The following PARP8 variants were observed in gnomAD, a reference collection of about 807,000 sequenced individuals.
PARP8 encodes the protein protein mono-ADP-ribosyltransferase PARP8.
Under a neutral mutation model 124.1 loss-of-function variants are expected in PARP8, and 51 were observed. That is an observed-to-expected ratio of 0.41 (90% CI 0.33 to 0.52). The LOEUF is 0.52. Among genes scored for constraint, PARP8 ranks in the 20% least tolerant of loss-of-function variants. The pLI is 0.21. For synonymous variants in PARP8, 391 were observed against 361.5 expected (o/e 1.08, Z -0.93); for missense variants, 860 against 1,018.9 (o/e 0.84, Z 2.12).
At position 50,760,354 on chromosome 5, in the gene PARP8, A is replaced by G. The variant is rs1172979236; in HGVS notation, c.337A>G (p.Asn113Asp). 6 of 1,523,742 alleles carry G rather than the reference A, an allele frequency of 3.9e-6. No homozygotes were observed. The highest frequency in any genetic ancestry group is 4.5e-6 in the Non-Finnish European group (5 of 1,115,574). The allele number at this position is 1,523,742 out of a possible 1,614,324, so 94.4% of individuals were successfully genotyped here. A position where few individuals can be genotyped will look rare whatever the true frequency, so the allele number is the denominator to read the frequency against. The stretch of plus-strand genomic sequence containing the variant: ...CATAAAATCCAAATTACAAAAGGAA[A>G]ATGGGGAGGTATGTAAATTATATTT... Reference protein sequence around the residue: ...LSIKSKLQKENGEESRQNSTV... With the variant: ...LSIKSKLQKEDGEESRQNSTV... The change falls in exon 5 of 26, where the codon AAT becomes GAT. Residue 113 changes from asparagine to aspartate, a missense_variant. By Grantham distance (23) the Asn-to-Asp change is conservative. Coordinates refer to ENST00000281631, the MANE Select transcript of PARP8 (RefSeq NM_024615.4).
At chr5:50,767,067 A>T (rs1414915124) in intron 7 of PARP8, among the ~76,000 whole-genome samples, 1 of 152,098 alleles carries the variant, frequency 6.6e-6, no homozygotes, top group African/African-American at 2.4e-5. Flanking sequence ...TTGGCCAGTC[A>T]TATGTGAGCT....
chr5:50,786,843 T>C (rs1163667997), intron 9 of PARP8, among the ~76,000 whole-genome samples: 3 of 151,918 alleles, frequency 2.0e-5, no homozygotes, highest in Non-Finnish European at 4.4e-5. Flanking sequence ...CTCATGCCTT[T>C]ATATATATAT....
chr5:50,750,568 G>A (rs902783012), intron 3 of PARP8, among the ~76,000 whole-genome samples: 1 of 152,066 alleles, frequency 6.6e-6, no homozygotes, highest in African/African-American at 2.4e-5. Flanking sequence ...AAGTGTGTGT[G>A]TGTATCTATT....
intron 2 of PARP8, among the ~76,000 whole-genome samples, chr5:50,721,292 C>G (rs1199263334): frequency 6.6e-6 from 1 of 151,994 alleles, no homozygotes; most frequent in East Asian, 1.9e-4. Context: ...CATTTAAACA[C>G]CAATGGGTGC....
At chr5:50,793,179 T>C (rs1742155537) in intron 10 of PARP8, among the ~76,000 whole-genome samples, 1 of 152,124 alleles carries the variant, frequency 6.6e-6, no homozygotes, top group Admixed American at 6.6e-5. Context: ...CTGTGACATA[T>C]TGTAAGTGGG....
intron 2 of PARP8, among the ~76,000 whole-genome samples, chr5:50,689,865 T>C (rs1752310181): frequency 6.6e-6 from 1 of 152,056 alleles, no homozygotes; most frequent in South Asian, 2.1e-4. Context: ...TATTGGAGGG[T>C]TCTTTTGGAA....
intron 15 of PARP8, among the ~76,000 whole-genome samples, chr5:50,820,996 T>C (rs1745702217): frequency 1.3e-5 from 2 of 152,188 alleles, no homozygotes; most frequent in Non-Finnish European, 2.9e-5. Flanking sequence ...AAAAGAGATA[T>C]TAAGTTGTGA....
chr5:50,675,335 G>A (rs146796501), intron 2 of PARP8, among the ~76,000 whole-genome samples: 191 of 152,140 alleles, frequency 1.3e-3, no homozygotes, highest in Non-Finnish European at 1.7e-3. Context: ...TGGAGTTTTC[G>A]CTCTTGTTGC....
chr5:50,697,930 C>T (rs1239752122), intron 2 of PARP8, among the ~76,000 whole-genome samples: 1 of 152,198 alleles, frequency 6.6e-6, no homozygotes, highest in Non-Finnish European at 1.5e-5. Context: ...GGTCCAGTGG[C>T]ACCACTTCCT....
chr5:50,668,062 C>A lies in PARP8; in HGVS notation c.92-9C>A, dbSNP rs1477026284. On this transcript the variant is annotated splice_polypyrimidine_tract_variant and intron_variant, in intron 1 of 25. Transcript: ENST00000281631. ...CAGGGGTAGCTTTTGACGGGACTTT[C>A]TGTTTCAGATTTCAGATACTCTGAC... 20 of 1,611,992 alleles carry A rather than the reference C, an allele frequency of 1.2e-5. No individual in the cohort carries two copies. Among genetic ancestry groups the A allele is most frequent in the Admixed American group, 1.7e-5 (1 of 60,014 alleles).
At chr5:50,788,215 T>C (rs1741504474) in intron 9 of PARP8, among the ~76,000 whole-genome samples, 1 of 145,618 alleles carries the variant, frequency 6.9e-6, no homozygotes, top group Admixed American at 7.6e-5. Flanking sequence ...TATATTATTA[T>C]ACATTATACT....
At chr5:50,805,642 A>G (rs895245557) in intron 14 of PARP8, among the ~76,000 whole-genome samples, 9 of 143,302 alleles carry the variant, frequency 6.3e-5, no homozygotes, top group African/African-American at 2.3e-4. Context: ...AAGATAAAAC[A>G]CAAAACTTGG....
rs200744748 is a variant in PARP8 at position 50,815,272 on chromosome 5, C to T, written c.1576-160C>T. On this transcript the variant is annotated intron_variant, in intron 14 of 25. Transcript: ENST00000281631. ...TAAATGACTCTTTACTAATTGTTAC[C>T]TAAATTTAAGAATTTATTTCGTATT... is the stretch of plus-strand genomic sequence containing the variant. Among the ~76,000 whole-genome samples the T allele has an allele frequency of 3.9e-5, 6 of 151,968 alleles. No individual in the cohort carries two copies. In the East Asian group the frequency reaches 5.8e-4, roughly 15 times the overall value.
intron 14 of PARP8, among the ~76,000 whole-genome samples, chr5:50,813,839 G>GCA (rs140386212): frequency 4.0e-5 from 6 of 151,318 alleles, no homozygotes; most frequent in Non-Finnish European, 5.9e-5. Flanking sequence ...ACACAGACAC[G>GCA]CACACACACA....
At chr5:50,701,234 T>C (rs1271935177) in intron 2 of PARP8, among the ~76,000 whole-genome samples, 3 of 152,150 alleles carry the variant, frequency 2.0e-5, no homozygotes, top group Admixed American at 6.5e-5. Flanking sequence ...ACGGGTTTCA[T>C]ATAGTTATTG....
intron 14 of PARP8, among the ~76,000 whole-genome samples, chr5:50,811,903 A>G (rs1332426670): frequency 6.6e-6 from 1 of 152,158 alleles, no homozygotes; most frequent in African/African-American, 2.4e-5. Context: ...CCATGTTGCT[A>G]CAAAGGACAT....
chr5:50,717,599 A>G (rs1429694623), intron 2 of PARP8, among the ~76,000 whole-genome samples: 1 of 151,932 alleles, frequency 6.6e-6, no homozygotes, highest in Admixed American at 6.6e-5. Context: ...AAGCAGAGAA[A>G]AAGGTTCCAG....
chr5:50,809,107 C>A lies in PARP8; in HGVS notation c.1576-6325C>A, dbSNP rs542350100. Among the ~76,000 whole-genome samples the A allele has an allele frequency of 1.1e-4, 16 of 152,092 alleles. No homozygotes were observed. The South Asian group carries it at 3.3e-3, about 32-fold the overall frequency. ...TTTATGAGACAAATAGAGACTACTGCATGTTTAAGCCTAATTAGACCTGAT... is the reference window on the plus strand; with the variant it reads ...TTTATGAGACAAATAGAGACTACTGAATGTTTAAGCCTAATTAGACCTGAT... On this transcript the variant is annotated intron_variant, in intron 14 of 25. Transcript: ENST00000281631.
intron 2 of PARP8, among the ~76,000 whole-genome samples, chr5:50,722,673 G>A (rs755189655): frequency 6.6e-6 from 1 of 152,126 alleles, no homozygotes; most frequent in African/African-American, 2.4e-5. Context: ...GGAGGAAATA[G>A]AAATGGGATT....
Sources: gnomAD v4.1 joint callset for allele counts (sites outside exome capture counted in the v4.1 genomes callset) on GRCh38, gnomAD v4.1.1 for gene constraint, MANE v1.5 for transcripts, NCBI Gene and HGNC (gene_info 2026-07-23, HGNC 2026-07-21) for gene names.